MYRIP: variants seen among roughly 807,000 people sequenced by gnomAD.
MYRIP encodes myosin VIIA and Rab interacting protein, also known as rab effector MyRIP.
A neutral mutation model predicts 98.0 loss-of-function variants in MYRIP; 49 were observed. The ratio of observed to expected loss-of-function variants is 0.50; its 90% CI spans 0.40 to 0.63. The LOEUF is 0.63. MYRIP is among the 30% of genes least tolerant of loss of function. MYRIP has a pLI of 0.00. For synonymous variants in MYRIP, 404 were observed against 409.5 expected (o/e 0.99, Z 0.16); for missense variants, 1,004 against 1,058.2 (o/e 0.95, Z 0.71).
intron 9 of MYRIP, among the ~76,000 whole-genome samples, chr3:40,183,206 G>A (rs1033380661): frequency 3.9e-5 from 6 of 152,336 alleles, no homozygotes; most frequent in South Asian, 2.1e-4. Flanking sequence ...ATGCAGGCCC[G>A]GAGAAATGGC....
intron 3 of MYRIP, among the ~76,000 whole-genome samples, chr3:40,062,379 C>T (rs990544356): frequency 8.5e-5 from 13 of 152,138 alleles, no homozygotes; most frequent in African/African-American, 2.9e-4. Flanking sequence ...TTGTTTTTGT[C>T]AGCTTTGTTG....
chr3:39,996,976 T>C (rs1266989184), intron 2 of MYRIP, among the ~76,000 whole-genome samples: 2 of 152,162 alleles, frequency 1.3e-5, no homozygotes, highest in African/African-American at 4.8e-5. Flanking sequence ...AGATGTTCTT[T>C]GAAACCAACA....
At chr3:40,038,133 A>G (rs1947424626) in intron 2 of MYRIP, among the ~76,000 whole-genome samples, 1 of 152,178 alleles carries the variant, frequency 6.6e-6, no homozygotes, top group African/African-American at 2.4e-5. Flanking sequence ...AATGTTAAAA[A>G]AAAAAGTTAA....
chr3:40,124,767 G>A (rs1490057760), intron 3 of MYRIP, among the ~76,000 whole-genome samples: 1 of 152,218 alleles, frequency 6.6e-6, no homozygotes, highest in Non-Finnish European at 1.5e-5. Context: ...AGCTGGGGAA[G>A]GGCAGCTAGG....
chr3:40,121,495 A>G (rs1400382828), intron 3 of MYRIP, among the ~76,000 whole-genome samples: 1 of 151,890 alleles, frequency 6.6e-6, no homozygotes, highest in Admixed American at 6.6e-5. Flanking sequence ...CCCAAGAACA[A>G]TCTGGGCACT....
At chr3:39,896,421 C>T (rs1943612404) in intron 1 of MYRIP, among the ~76,000 whole-genome samples, 2 of 152,162 alleles carry the variant, frequency 1.3e-5, no homozygotes, top group African/African-American at 2.4e-5. Context: ...GTGAGCCATA[C>T]AGCCTAAGCA....
At chr3:40,256,006 G>C (rs1003451118) in intron 16 of MYRIP, among the ~76,000 whole-genome samples, 2 of 152,158 alleles carry the variant, frequency 1.3e-5, no homozygotes, top group African/African-American at 2.4e-5. Context: ...ATAGAACTTT[G>C]TGTAATGAGG....
At chr3:40,100,072 T>C (rs377397452) in intron 3 of MYRIP, 1 of 985,224 alleles carries the variant, frequency 1.0e-6, no homozygotes. Flanking sequence ...CCCAGAGCCC[T>C]GTGTCTTTTC....
intron 1 of MYRIP, among the ~76,000 whole-genome samples, chr3:39,880,712 TA>T (rs1943137466): frequency 6.6e-6 from 1 of 152,202 alleles, no homozygotes. Context: ...TCAATACACA[TA>T]AATATTTAAG....
chr3:40,258,301 C>A lies in MYRIP; in HGVS notation c.*135C>A. ...GGGGAGGCCACAGTGCACCATTGCACAGGGCTGTCCTGATACCTCATCCAG... is the reference window on the plus strand; with the variant it reads ...GGGGAGGCCACAGTGCACCATTGCAAAGGGCTGTCCTGATACCTCATCCAG... On this transcript the variant is annotated 3_prime_UTR_variant, in exon 17 of 17. Transcript: ENST00000302541. 2 of 992,018 alleles carry A rather than the reference C, an allele frequency of 2.0e-6. No homozygotes were observed. The highest frequency in any genetic ancestry group is 1.6e-6 in the Non-Finnish European group (1 of 636,272). The allele number at this position is 992,018 out of a possible 1,614,324, so 61.5% of individuals were successfully genotyped here. A position where few individuals can be genotyped will look rare whatever the true frequency, so the allele number is the denominator to read the frequency against.
chr3:40,164,952 T>A (rs558247606), intron 5 of MYRIP, among the ~76,000 whole-genome samples: 1 of 152,338 alleles, frequency 6.6e-6, no homozygotes, highest in South Asian at 2.1e-4. Context: ...GAGCATGGAC[T>A]CAGTTTGTCC....
chr3:40,141,998 G>A (rs1013721421), intron 3 of MYRIP, among the ~76,000 whole-genome samples: 21 of 149,392 alleles, frequency 1.4e-4, no homozygotes, highest in African/African-American at 5.2e-4. Flanking sequence ...CTGATATTTT[G>A]ATAGGGATTG....
chr3:40,107,176 T>C (rs1949065253), intron 3 of MYRIP, among the ~76,000 whole-genome samples: 1 of 152,216 alleles, frequency 6.6e-6, no homozygotes, highest in Admixed American at 6.5e-5. Context: ...CAAGTAGTTA[T>C]TGAATACCTG....
intron 12 of MYRIP, among the ~76,000 whole-genome samples, chr3:40,241,229 G>T (rs114695048): frequency 1.3e-5 from 2 of 152,134 alleles, no homozygotes; most frequent in Non-Finnish European, 2.9e-5. Context: ...ACCCCACATT[G>T]CCCATGGAGT....
intron 10 of MYRIP, among the ~76,000 whole-genome samples, chr3:40,204,883 C>A (rs1951751020): frequency 6.6e-6 from 1 of 152,144 alleles, no homozygotes; most frequent in Non-Finnish European, 1.5e-5. Flanking sequence ...GACTTGGGAA[C>A]CTTGGTCTGT....
Position 40,086,907 on chromosome 3 carries a change from C to T in MYRIP, c.332+42636C>T, listed in dbSNP as rs1041433252. Among the ~76,000 whole-genome samples the T allele has an allele frequency of 4.6e-5, 7 of 151,954 alleles. No individual in the cohort carries two copies. The East Asian group carries it at 1.2e-3, about 25-fold the overall frequency. Reference sequence around the variant, plus strand: ...CAAGCGGTTCTCGGGGTGGGCACTGCGGCTGCTTGGCATTCAGAGCTCTGG... The same window carrying T: ...CAAGCGGTTCTCGGGGTGGGCACTGTGGCTGCTTGGCATTCAGAGCTCTGG... On this transcript the variant is annotated intron_variant, in intron 3 of 16. Coordinates refer to ENST00000302541, the MANE Select transcript of MYRIP (RefSeq NM_015460.4).
At chr3:39,954,069 C>T (rs73076769) in intron 2 of MYRIP, among the ~76,000 whole-genome samples, 19,010 of 152,162 alleles carry the variant, frequency 0.12, 1,297 homozygotes, top group East Asian at 0.25. Context: ...CCTCTATAGA[C>T]TCCACCTCTG....
intron 2 of MYRIP, among the ~76,000 whole-genome samples, chr3:39,992,193 A>T (rs1256519745): frequency 6.6e-6 from 1 of 152,138 alleles, no homozygotes; most frequent in African/African-American, 2.4e-5. Context: ...TATCCCCTAC[A>T]GTGCCTCCAG....
intron 13 of MYRIP, among the ~76,000 whole-genome samples, chr3:40,246,422 A>G (rs192784819): frequency 1.3e-5 from 2 of 152,370 alleles, no homozygotes; most frequent in East Asian, 1.9e-4. Flanking sequence ...TCTTGCACTC[A>G]GTAAATCTGT....
Sources: allele counts gnomAD v4.1 joint callset (sites outside exome capture counted in the v4.1 genomes callset), GRCh38; gene constraint gnomAD v4.1.1; transcripts MANE v1.5; gene names NCBI Gene and HGNC (gene_info 2026-07-23, HGNC 2026-07-21).